HOOK2: variants seen among roughly 807,000 people sequenced by gnomAD.
HOOK2 encodes protein Hook homolog 2.
In HOOK2, 108 loss-of-function variants were observed where a neutral mutation model predicts 111.9. The observed-to-expected ratio is 0.96, with a 90% CI of 0.83 to 1.13. The LOEUF (loss-of-function observed/expected upper bound fraction) is 1.13. Ranked by LOEUF, HOOK2 falls within the 50% of genes most tolerant of loss-of-function variation. The pLI is 0.00. For synonymous variants in HOOK2, 405 were observed against 394.3 expected, an observed-to-expected ratio of 1.03 and a Z score of -0.32; for missense variants, 978 against 951.3, an observed-to-expected ratio of 1.03 and a Z score of -0.37.
upstream of HOOK2, among the ~76,000 whole-genome samples, chr19:12,776,882 G>T (rs1968529464): frequency 6.6e-6 from 1 of 151,386 alleles, no homozygotes; most frequent in Non-Finnish European, 1.5e-5. Flanking sequence ...AATAGGGCCG[G>T]GCGCGGCGGC....
chr19:12,772,171 T>C lies in HOOK2; in HGVS notation c.519+19A>G. 1 of 1,586,060 alleles carries C rather than the reference T, an allele frequency of 6.3e-7. No homozygotes were observed. On this transcript the variant is annotated intron_variant, in intron 7 of 22. Transcript: ENST00000397668. Reference sequence around the variant, plus strand: ...TGCTGATCCCTGTGCCTGGAACACCTTTCCCCCAAATCTCTTACCTGGCTG... The same window carrying C: ...TGCTGATCCCTGTGCCTGGAACACCCTTCCCCCAAATCTCTTACCTGGCTG...
chr19:12,784,821 G>A (rs2145797518), intron 3 of HOOK2: 1 of 152,232 alleles, frequency 6.6e-6, no homozygotes, highest in South Asian at 2.1e-4. Context: ...AGAAGATAGA[G>A]ACAAGACAAG....
Position 12,769,972 on chromosome 19 carries a change from T to A in HOOK2, c.1013A>T (p.Asn338Ile). ...RRQVRQLEER[N>I]AGHAERTRQL... Reference sequence around the variant, plus strand: ...TCGCGTGCGCTCGGCGTGGCCGGCGTTGCGTTCCTCCAGCTGCCGCACCTG... The same window carrying A: ...TCGCGTGCGCTCGGCGTGGCCGGCGATGCGTTCCTCCAGCTGCCGCACCTG... The change falls in exon 11 of 23, where the codon AAC becomes ATC. Residue 338 changes from asparagine (N) to isoleucine (I), a missense_variant. By Grantham distance (149) the Asn-to-Ile change is moderately radical (BLOSUM62 -3). This residue lies in a region of HOOK2 where 388 missense variants were observed against 358.3 expected (regional missense o/e 1.08). Transcript: ENST00000397668. 6.4e-7 allele frequency: 1 copy of A among 1,552,136 alleles called. No individual in the cohort carries two copies. Among genetic ancestry groups the A allele is most frequent in the Non-Finnish European group, 8.7e-7 (1 of 1,155,200 alleles).
At chr19:12,784,144 A>G (rs1209939076) in intron 3 of HOOK2, among the ~76,000 whole-genome samples, 2 of 152,114 alleles carry the variant, frequency 1.3e-5, no homozygotes, top group Non-Finnish European at 2.9e-5. Flanking sequence ...CAGACGGAGG[A>G]GGGTCAGCCC....
chr19:12,792,263 GC>G (rs1258401871), intron 3 of HOOK2: 5 of 1,494,562 alleles, frequency 3.3e-6, no homozygotes, highest in South Asian at 1.3e-5. Flanking sequence ...CTACCGGGGG[GC>G]CCCCGGCTGG....
At chr19:12,766,322 G>C in intron 14 of HOOK2, 82 bp from the exon 15 acceptor site, 1 of 1,438,040 alleles carries the variant, frequency 7.0e-7, no homozygotes, top group Non-Finnish European at 9.2e-7. Flanking sequence ...TGGAGCTAGG[G>C]GCGGGACAGA....
At chr19:12,783,344 A>G (rs1043675627), upstream of HOOK2, among the ~76,000 whole-genome samples, 4 of 29,520 alleles carry the variant, frequency 1.4e-4, no homozygotes, top group Non-Finnish European at 2.1e-4. Context: ...TAGACCCCCC[A>G]CCCCCACCCC....
chr19:12,788,862 G>A (rs984085308), intron 3 of HOOK2, among the ~76,000 whole-genome samples: 1 of 152,166 alleles, frequency 6.6e-6, no homozygotes, highest in East Asian at 1.9e-4. Flanking sequence ...GCCTGGGGAG[G>A]GGGAGGGGAG....
chr19:12,773,168 C>T, intron 3 of HOOK2, 124 bp from the exon 4 acceptor site: 2 of 927,004 alleles, frequency 2.2e-6, no homozygotes, highest in South Asian at 2.8e-5. Flanking sequence ...TCTGCGTGCG[C>T]CTTCCTCTAG....
At chr19:12,775,632 T>G (rs1968482614), upstream of HOOK2, 1 of 483,932 alleles carries the variant, frequency 2.1e-6, no homozygotes, top group Non-Finnish European at 3.1e-6. Flanking sequence ...GAACGTAATC[T>G]CCTCCCTACG....
upstream of HOOK2, among the ~76,000 whole-genome samples, chr19:12,775,942 T>A (rs1968496223): frequency 3.8e-5 from 5 of 132,374 alleles, no homozygotes; most frequent in Admixed American, 4.0e-4. Context: ...AGTGGCGCAA[T>A]CTCGGCTCAC....
intron 3 of HOOK2, 92 bp from the exon 4 acceptor site, chr19:12,773,136 C>A: frequency 8.1e-7 from 1 of 1,239,426 alleles, no homozygotes; most frequent in South Asian, 1.2e-5. Context: ...TTCTCCTTCC[C>A]TGCTCATCTC....
At chr19:12,773,081 G>T in intron 3 of HOOK2, 37 bp from the exon 4 acceptor site, 3 of 1,594,198 alleles carry the variant, frequency 1.9e-6, no homozygotes, top group African/African-American at 1.3e-5. Flanking sequence ...AAGTTCAGAG[G>T]CCTCCCACTC....
chr19:12,766,344 G>C, intron 14 of HOOK2, 104 bp from the exon 15 acceptor site: 11 of 1,365,738 alleles, frequency 8.1e-6, no homozygotes, highest in Non-Finnish European at 1.1e-5. Flanking sequence ...CCCTGGGGAA[G>C]AGCCCAGCCA....
At chr19:12,782,755 G>T (rs1342111057), upstream of HOOK2, among the ~76,000 whole-genome samples, 2 of 152,170 alleles carry the variant, frequency 1.3e-5, no homozygotes, top group African/African-American at 4.8e-5. Flanking sequence ...AACCCGGGAG[G>T]GGGCCTCCGT....
intron 6 of HOOK2, 119 bp downstream of exon 6, chr19:12,772,494 G>C: frequency 1.7e-6 from 2 of 1,170,348 alleles, no homozygotes; most frequent in East Asian, 4.7e-5. Context: ...TGTCTGGCCA[G>C]CTGAGTTCCA....
intron 10 of HOOK2, 23 bp from the exon 11 acceptor site, chr19:12,770,105 G>A: frequency 6.8e-7 from 1 of 1,469,382 alleles, no homozygotes; most frequent in Non-Finnish European, 9.0e-7. Flanking sequence ...GAGGGAAGGG[G>A]GAGGGCTGAG....
chr19:12,775,873 CTT>C (rs775787302), upstream of HOOK2, among the ~76,000 whole-genome samples: 5 of 103,830 alleles, frequency 4.8e-5, no homozygotes, highest in Admixed American at 1.0e-4. Context: ...TAAGTAAATT[CTT>C]TTTTTTTTTT....
At chr19:12,785,877 C>T (rs926958543) in intron 3 of HOOK2, among the ~76,000 whole-genome samples, 6 of 152,156 alleles carry the variant, frequency 3.9e-5, no homozygotes, top group Non-Finnish European at 7.4e-5. Context: ...GCTTTTGCCA[C>T]TTCCCCTAGG....
Sources: gnomAD v4.1 joint callset for allele counts (sites outside exome capture counted in the v4.1 genomes callset) on GRCh38, gnomAD v4.1.1 for gene constraint, gnomAD v4.1.1 regional missense constraint, MANE v1.5 for transcripts, NCBI Gene and HGNC (gene_info 2026-07-23, HGNC 2026-07-21) for gene names.